AGAP1: variants seen among roughly 807,000 people sequenced by gnomAD.
AGAP1 encodes the protein arf-GAP with GTPase, ANK repeat and PH domain-containing protein 1.
AGAP1 carries 29 observed loss-of-function variants against 105.3 expected under a neutral mutation model. The ratio of observed to expected loss-of-function variants is 0.28; its 90% CI spans 0.21 to 0.38. The LOEUF (loss-of-function observed/expected upper bound fraction) is 0.38. AGAP1 is among the 10% of genes least tolerant of loss of function. AGAP1 has a pLI of 1.00. For missense variants in AGAP1, 998 were observed against 1,165.1 expected (o/e 0.86, Z 2.09); for synonymous variants, 509 against 485.9 (o/e 1.05, Z -0.63).
chr2:236,052,330 C>A (rs1372124873), intron 16 of AGAP1, among the ~76,000 whole-genome samples: 2 of 152,110 alleles, frequency 1.3e-5, no homozygotes, highest in Admixed American at 6.5e-5. Flanking sequence ...CCCAAACACA[C>A]AAACACACAC....
chr2:236,119,580 C>T lies in AGAP1; in HGVS notation c.2115-612C>T, dbSNP rs1177176075. Among the ~76,000 whole-genome samples, 1 of 148,458 alleles carries T rather than the reference C, an allele frequency of 6.7e-6. No homozygotes were observed. The highest frequency in any genetic ancestry group is 2.5e-5 in the African/African-American group (1 of 40,486). On this transcript the variant is annotated intron_variant, in intron 16 of 17. Transcript: ENST00000304032. This position sits in a 1 kb window ranked among gnomAD's most constrained non-coding sequence, Gnocchi z 6.6. ...GAGCGCACCGGCTGTCCCTTCCCCC[C>T]ACCCCCGGCCCAGCTCCAGCCAAGT...
At position 235,665,878 on chromosome 2, in the gene AGAP1, G is replaced by C. The variant is rs1462348791; in HGVS notation, c.164-43301G>C. On this transcript the variant is annotated intron_variant, in intron 1 of 17. Coordinates refer to ENST00000304032, the MANE Select transcript of AGAP1 (RefSeq NM_001037131.3). This position sits in a 1 kb window ranked among gnomAD's most constrained non-coding sequence, Gnocchi z 5.3. ...AGCCTGTGTAGCAGATGGCTCTGCT[G>C]ACTGGCTACCAGAAGTTTCCTTTAA... Among the ~76,000 whole-genome samples, 1 of 152,156 alleles carries C rather than the reference G, an allele frequency of 6.6e-6. No individual in the cohort carries two copies. The highest frequency in any genetic ancestry group is 1.5e-5 in the Non-Finnish European group (1 of 68,036).
intron 8 of AGAP1, among the ~76,000 whole-genome samples, chr2:235,802,946 G>GGTGGTGATGGTT: frequency 1.4e-5 from 2 of 146,998 alleles, no homozygotes; most frequent in Admixed American, 6.7e-5. Context: ...TGGTTGTAAT[G>GGTGGTGATGGTT]GTGGTGATGA....
Position 236,038,848 on chromosome 2 carries a change from T to A in AGAP1, c.1801-1903T>A, listed in dbSNP as rs915221551. Among the ~76,000 whole-genome samples, 7 of 148,792 alleles carry A rather than the reference T, an allele frequency of 4.7e-5. No homozygotes were observed. Among genetic ancestry groups the A allele is most frequent in the African/African-American group, 1.0e-4 (4 of 39,566 alleles). On this transcript the variant is annotated intron_variant, in intron 14 of 17. Coordinates refer to ENST00000304032, the MANE Select transcript of AGAP1 (RefSeq NM_001037131.3). The surrounding 1 kb of genome is among the most constrained non-coding windows in gnomAD (Gnocchi z 4.5). The stretch of plus-strand genomic sequence containing the variant: ...GTGTGTGTGTGTGTGTGTGTGTGTG[T>A]GATCACACACTTGCATTCCAGATGC...
chr2:235,797,727 C>T (rs1397959587), intron 6 of AGAP1, 32 bp from the exon 7 acceptor site: 2 of 1,613,740 alleles, frequency 1.2e-6, no homozygotes, highest in Non-Finnish European at 1.7e-6. Context: ...AATTGATTGA[C>T]ATGGATTTCT....
chr2:235,817,132 A>G (rs1958503489), intron 9 of AGAP1, among the ~76,000 whole-genome samples: 1 of 152,104 alleles, frequency 6.6e-6, no homozygotes, highest in Non-Finnish European at 1.5e-5. Context: ...CCAGAATTTC[A>G]TGTTTTGTTT....
rs1236350822 is a variant in AGAP1 at position 235,719,574 on chromosome 2, G to A, written c.310+1930G>A. On this transcript the variant is annotated intron_variant, in intron 3 of 17. Transcript: ENST00000304032. This position sits in a 1 kb window ranked among gnomAD's most constrained non-coding sequence, Gnocchi z 4.9. ...CTGCACTGAAATTTCATAGTATTGTGTATGGTTTTTAAAAATACATTATTT... is the reference window on the plus strand; with the variant it reads ...CTGCACTGAAATTTCATAGTATTGTATATGGTTTTTAAAAATACATTATTT... Among the ~76,000 whole-genome samples, 1 of 152,224 alleles carries A rather than the reference G, an allele frequency of 6.6e-6. No homozygotes were observed. The highest frequency in any genetic ancestry group is 1.5e-5 in the Non-Finnish European group (1 of 68,038).
chr2:235,498,692 A>C (rs1941430066), intron 1 of AGAP1, among the ~76,000 whole-genome samples: 1 of 152,222 alleles, frequency 6.6e-6, no homozygotes, highest in Non-Finnish European at 1.5e-5. Flanking sequence ...TGTGAGTGAT[A>C]GCCCAGCCAG....
chr2:236,112,943 T>C (rs1318560413), intron 16 of AGAP1, among the ~76,000 whole-genome samples: 1 of 152,230 alleles, frequency 6.6e-6, no homozygotes, highest in East Asian at 1.9e-4. Context: ...AGTCTTTCCT[T>C]CCTTCTTGCT....
intron 1 of AGAP1, among the ~76,000 whole-genome samples, chr2:235,499,505 C>T (rs1202572024): frequency 1.3e-5 from 2 of 152,196 alleles, no homozygotes; most frequent in African/African-American, 2.4e-5. Flanking sequence ...GCAGTCCCCT[C>T]CTTAAAAATA....
rs1371957456 is a variant in AGAP1, at chr2:235,830,034, A to ACTGGG, written c.1050+22704_1050+22708dup. On this transcript the variant is annotated intron_variant, in intron 9 of 17. Transcript: ENST00000304032. The surrounding 1 kb of genome is among the most constrained non-coding windows in gnomAD (Gnocchi z 5.5). ...CTGGACATACACAGTCAGAAGGAAG[A>ACTGGG]CTGGGGGTCGGGGTGGGACAGCATG... Among the ~76,000 whole-genome samples, 2 of 152,066 alleles carry ACTGGG rather than the reference A, an allele frequency of 1.3e-5. No individual in the cohort carries two copies. The highest frequency in any genetic ancestry group is 2.9e-5 in the Non-Finnish European group (2 of 68,018).
At chr2:235,955,340 A>G (rs536769987) in intron 12 of AGAP1, among the ~76,000 whole-genome samples, 29 of 152,252 alleles carry the variant, frequency 1.9e-4, no homozygotes, top group African/African-American at 7.0e-4. Flanking sequence ...TGTAACAGGC[A>G]TGTCGGCTCC....
intron 1 of AGAP1, among the ~76,000 whole-genome samples, chr2:235,656,495 CTCAT>C: frequency 6.6e-6 from 1 of 152,310 alleles, no homozygotes; most frequent in South Asian, 2.1e-4. Context: ...TCCACCCTGA[CTCAT>C]TCCGATTACC....
chr2:236,124,436 A>C lies in AGAP1; in HGVS notation c.*314A>C. ...GCAGGACCCTTGTCCTGGTGGCACA[A>C]GGGATGGGGACGCGAGGGGGAGGGG... is the stretch of plus-strand genomic sequence containing the variant. On this transcript the variant is annotated 3_prime_UTR_variant, in exon 18 of 18. Transcript: ENST00000304032. This position sits in a 1 kb window ranked among gnomAD's most constrained non-coding sequence, Gnocchi z 5.1. 1 of 374,090 alleles carries C rather than the reference A, an allele frequency of 2.7e-6. No individual in the cohort carries two copies. The highest frequency in any genetic ancestry group is 5.3e-5 in the East Asian group (1 of 18,886). The allele number at this position is 374,090 out of a possible 1,614,324, so 23.2% of individuals were successfully genotyped here.
Position 235,982,720 on chromosome 2 carries a change from G to C in AGAP1, c.1645+14097G>C, listed in dbSNP as rs1232424494. Among the ~76,000 whole-genome samples, 2 of 152,226 alleles carry C rather than the reference G, an allele frequency of 1.3e-5. No homozygotes were observed. Among genetic ancestry groups the C allele is most frequent in the Non-Finnish European group, 2.9e-5 (2 of 68,048 alleles). On this transcript the variant is annotated intron_variant, in intron 13 of 17. Coordinates refer to ENST00000304032, the MANE Select transcript of AGAP1 (RefSeq NM_001037131.3). This position sits in a 1 kb window ranked among gnomAD's most constrained non-coding sequence, Gnocchi z 4.9. Reference sequence around the variant, plus strand: ...CAGCCCTTGGCTGCCATTCTTTCCAGACTTCCACCATTGTGCCCTGAGTGG... The same window carrying C: ...CAGCCCTTGGCTGCCATTCTTTCCACACTTCCACCATTGTGCCCTGAGTGG...
intron 9 of AGAP1, among the ~76,000 whole-genome samples, chr2:235,857,304 C>A (rs1434534110): frequency 6.6e-6 from 1 of 152,184 alleles, no homozygotes; most frequent in Non-Finnish European, 1.5e-5. Flanking sequence ...GCCCGATGAT[C>A]TAAGGTGGAA....
intron 3 of AGAP1, among the ~76,000 whole-genome samples, chr2:235,722,847 G>C (rs753501388): frequency 6.6e-6 from 1 of 151,736 alleles, no homozygotes; most frequent in African/African-American, 2.4e-5. Flanking sequence ...GAATTGTCTT[G>C]GGCCACACAT....
chr2:235,646,372 T>G (rs1444003581), intron 1 of AGAP1, among the ~76,000 whole-genome samples: 1 of 151,888 alleles, frequency 6.6e-6, no homozygotes, highest in African/African-American at 2.4e-5. Context: ...TCTCTCAAGG[T>G]CCAAAATGAA....
chr2:235,638,639 T>C (rs1433543260), intron 1 of AGAP1, among the ~76,000 whole-genome samples: 1 of 151,898 alleles, frequency 6.6e-6, no homozygotes, highest in Non-Finnish European at 1.5e-5. Flanking sequence ...TGAATGGTGG[T>C]TCCCAATTAG....
Sources: allele counts gnomAD v4.1 joint callset (sites outside exome capture counted in the v4.1 genomes callset), GRCh38; gene constraint gnomAD v4.1.1; non-coding constraint Gnocchi (gnomAD v3.1); transcripts MANE v1.5; gene names NCBI Gene and HGNC (gene_info 2026-07-23, HGNC 2026-07-21).